The following NARS2 variants were observed in gnomAD, a reference collection of about 807,000 sequenced individuals.
The protein encoded by NARS2 is asparaginyl-tRNA synthetase.
A neutral mutation model predicts 62.9 loss-of-function variants in NARS2; 60 were observed. That is an observed-to-expected ratio of 0.95 (90% CI 0.77 to 1.18). The LOEUF is 1.18. Ranked by LOEUF, NARS2 falls within the 50% of genes most tolerant of loss-of-function variation. The pLI is 0.00. For synonymous variants in NARS2, 196 were observed against 200.0 expected (o/e 0.98, Z 0.17); for missense variants, 619 against 576.4 (o/e 1.07, Z -0.76).
At chr11:78,563,639 T>C (rs926088435) in intron 4 of NARS2, among the ~76,000 whole-genome samples, 26 of 149,726 alleles carry the variant, frequency 1.7e-4, no homozygotes, top group African/African-American at 5.6e-4. Context: ...TAGACCAGCC[T>C]GGCCAACATA....
At chr11:78,449,433 G>A (rs1857885245) in intron 11 of NARS2, among the ~76,000 whole-genome samples, 1 of 151,816 alleles carries the variant, frequency 6.6e-6, no homozygotes, top group Admixed American at 6.6e-5. Flanking sequence ...CACCGCGCCT[G>A]GCCAAGTCAC....
Position 78,494,635 on chromosome 11 carries a change from T to C in NARS2, c.690-1440A>G, listed in dbSNP as rs1859980972. Among the ~76,000 whole-genome samples, 3 of 152,114 alleles carry C rather than the reference T, an allele frequency of 2.0e-5. No homozygotes were observed. In the South Asian group the frequency reaches 6.2e-4, roughly 32 times the overall value. On this transcript the variant is annotated intron_variant, in intron 6 of 13. Transcript: ENST00000281038. ...TTCTACAGCTACCTTCCTAAGACCA[T>C]GATCTGCTAACCTGAGAACCTTAGT...
At chr11:78,509,963 C>A (rs1860657552) in intron 6 of NARS2, among the ~76,000 whole-genome samples, 1 of 151,268 alleles carries the variant, frequency 6.6e-6, no homozygotes, top group Non-Finnish European at 1.5e-5. Context: ...ATGGTAACGA[C>A]AAAGAAAATA....
intron 6 of NARS2, among the ~76,000 whole-genome samples, chr11:78,517,921 C>G (rs933219161): frequency 6.6e-6 from 1 of 152,164 alleles, no homozygotes; most frequent in African/African-American, 2.4e-5. Flanking sequence ...GTGTATTTAT[C>G]ATCATTCACA....
chr11:78,504,456 T>TC (rs1860412391), intron 6 of NARS2, among the ~76,000 whole-genome samples: 2 of 139,112 alleles, frequency 1.4e-5, no homozygotes, highest in Admixed American at 7.2e-5. Context: ...TTTTTTTTTT[T>TC]CTGTGTAGGG....
intron 5 of NARS2, among the ~76,000 whole-genome samples, chr11:78,551,756 CAGG>C (rs1294152979): frequency 1.3e-5 from 2 of 151,980 alleles, no homozygotes; most frequent in African/African-American, 4.8e-5. Flanking sequence ...GAGGCTGAGG[CAGG>C]AGAATTGCTT....
intron 9 of NARS2, among the ~76,000 whole-genome samples, chr11:78,470,882 ATTT>A (rs67863152): frequency 2.2e-5 from 3 of 135,160 alleles, no homozygotes; most frequent in Admixed American, 1.5e-4. Flanking sequence ...AGTATTTTGG[ATTT>A]TTTTTTTTTT....
At chr11:78,573,211 G>C (rs1590883546) in intron 1 of NARS2, 1 of 152,108 alleles carries the variant, frequency 6.6e-6, no homozygotes, top group South Asian at 2.1e-4. Context: ...TACAATCATG[G>C]GTGACAAAGC....
chr11:78,533,833 C>T (rs764777034), intron 5 of NARS2, among the ~76,000 whole-genome samples: 1 of 152,216 alleles, frequency 6.6e-6, no homozygotes, highest in Non-Finnish European at 1.5e-5. Context: ...CCCCTGGAAA[C>T]CATGATCTTT....
intron 11 of NARS2, among the ~76,000 whole-genome samples, chr11:78,448,618 CTTTTGATACTT>C (rs1164441230): frequency 6.6e-6 from 1 of 152,080 alleles, no homozygotes; most frequent in East Asian, 1.9e-4. Context: ...GCAGTAATCA[CTTTTGATACTT>C]TAAGTACATG....
chr11:78,464,461 C>G (rs184597223), intron 11 of NARS2, among the ~76,000 whole-genome samples: 3 of 152,218 alleles, frequency 2.0e-5, no homozygotes, highest in East Asian at 3.9e-4. Context: ...TTTGACAGGG[C>G]GCTGATTGGT....
chr11:78,508,653 C>G (rs1860598460), intron 6 of NARS2, among the ~76,000 whole-genome samples: 1 of 151,086 alleles, frequency 6.6e-6, no homozygotes, highest in Non-Finnish European at 1.5e-5. Context: ...CTTTCCAAAT[C>G]TGATGAAAGA....
chr11:78,535,806 G>C (rs562844606), intron 5 of NARS2, among the ~76,000 whole-genome samples: 1 of 151,810 alleles, frequency 6.6e-6, no homozygotes, highest in South Asian at 2.1e-4. Flanking sequence ...TAGTAGAGAC[G>C]GGGTTTCTCC....
chr11:78,436,602 C>G lies in NARS2; in HGVS notation c.*68G>C. 6.6e-7 allele frequency: 1 copy of G among 1,503,818 alleles called. No individual in the cohort carries two copies. The highest frequency in any genetic ancestry group is 9.1e-7 in the Non-Finnish European group (1 of 1,100,832). The allele number at this position is 1,503,818 out of a possible 1,614,324, so 93.2% of individuals were successfully genotyped here. On this transcript the variant is annotated 3_prime_UTR_variant, in exon 14 of 14. Coordinates refer to ENST00000281038, the MANE Select transcript of NARS2 (RefSeq NM_024678.6). ...CATTTCTAAAATCCAAACATGCATT[C>G]TGCTGTATGCACAATCATGTGCAGT... is the stretch of plus-strand genomic sequence containing the variant.
intron 6 of NARS2, among the ~76,000 whole-genome samples, chr11:78,521,840 T>C (rs548095635): frequency 1.3e-5 from 2 of 151,980 alleles, no homozygotes; most frequent in East Asian, 1.9e-4. Flanking sequence ...TGTAGCCTTT[T>C]TGTAGTTTTT....
At chr11:78,570,097 C>T (rs1457470496) in intron 2 of NARS2, among the ~76,000 whole-genome samples, 2 of 151,898 alleles carry the variant, frequency 1.3e-5, no homozygotes, top group Admixed American at 6.6e-5. Flanking sequence ...GACTGAGGCA[C>T]GAGAATTGCC....
chr11:78,534,933 T>C (rs1001980749), intron 5 of NARS2, among the ~76,000 whole-genome samples: 1 of 152,224 alleles, frequency 6.6e-6, no homozygotes, highest in Non-Finnish European at 1.5e-5. Flanking sequence ...ATAAAAGAAA[T>C]GTTTGAATAA....
chr11:78,507,703 T>C (rs1860558110), intron 6 of NARS2, among the ~76,000 whole-genome samples: 1 of 151,990 alleles, frequency 6.6e-6, no homozygotes, highest in South Asian at 2.1e-4. Flanking sequence ...GTATTTTTAA[T>C]AGAGACAGGG....
intron 5 of NARS2, among the ~76,000 whole-genome samples, chr11:78,547,902 T>C (rs115330401): frequency 0.01 from 1,541 of 152,026 alleles, 25 homozygotes; most frequent in African/African-American, 0.029. Flanking sequence ...TAAGAAATCA[T>C]TGATGAACAA....
Sources: allele counts gnomAD v4.1 joint callset (sites outside exome capture counted in the v4.1 genomes callset), GRCh38; gene constraint gnomAD v4.1.1; transcripts MANE v1.5; gene names NCBI Gene and HGNC (gene_info 2026-07-23, HGNC 2026-07-21).